Variants in MOBP observed in about 807,000 individuals in gnomAD.
MOBP encodes the protein myelin-associated oligodendrocyte basic protein.
Under a neutral mutation model 15.0 loss-of-function variants are expected in MOBP, and 5 were observed. The observed-to-expected ratio is 0.33, with a 90% confidence interval of 0.17 to 0.70. The LOEUF is 0.70. Ranked by LOEUF, MOBP falls within the 30% of genes least tolerant of loss-of-function variation. MOBP has a pLI of 0.67. For missense variants in MOBP, 188 were observed against 257.8 expected, an observed-to-expected ratio of 0.73 and a Z score of 1.85; for synonymous variants, 88 against 99.0, an observed-to-expected ratio of 0.89 and a Z score of 0.66.
intron 2 of MOBP, among the ~76,000 whole-genome samples, chr3:39,497,626 T>G (rs1485087399): frequency 2.6e-5 from 4 of 152,276 alleles, no homozygotes; most frequent in Admixed American, 6.5e-5. Flanking sequence ...ATTTTCCATC[T>G]TTAGTTTGTT....
chr3:39,478,949 C>T (rs1403093016), intron 1 of MOBP, among the ~76,000 whole-genome samples: 3 of 152,008 alleles, frequency 2.0e-5, no homozygotes, highest in African/African-American at 7.3e-5. Flanking sequence ...CCTGCCTCAG[C>T]CTCCTGAGTA....
rs369185818 is a variant in MOBP at position 39,469,178 on chromosome 3, ATGTG to A, written c.-89+1448_-89+1451del. Reference sequence around the variant, plus strand: ...TATGTGTGTGTGTATACATATATACATGTGTGTGTGTGTATATACATATATACAT... The same window carrying A: ...TATGTGTGTGTGTATACATATATACATGTGTGTGTATATACATATATACAT... On this transcript the variant is annotated intron_variant, in intron 1 of 3. Coordinates refer to ENST00000684792, the MANE Select transcript of MOBP (RefSeq NM_001393704.1). Among the ~76,000 whole-genome samples, 170 of 77,164 alleles carry A rather than the reference ATGTG, an allele frequency of 2.2e-3. 44 individuals carry two copies. The highest frequency in any genetic ancestry group is 0.015 in the African/African-American group (137 of 9,032). 50.6% of individuals were successfully genotyped at this position (77,164 alleles called of 152,430 possible).
At chr3:39,468,936 T>TG (rs747899949) in intron 1 of MOBP, among the ~76,000 whole-genome samples, 25 of 54,014 alleles carry the variant, frequency 4.6e-4, no homozygotes, top group African/African-American at 4.5e-3. Context: ...CATATATACA[T>TG]TGTGTGTATA....
intron 1 of MOBP, among the ~76,000 whole-genome samples, chr3:39,468,022 T>A (rs1019003537): frequency 3.3e-5 from 5 of 151,878 alleles, no homozygotes; most frequent in African/African-American, 1.2e-4. Flanking sequence ...TTCCTCAGAT[T>A]CAAAGCCCCA....
rs554306867 is a variant in MOBP, at chr3:39,502,782, C to T, written c.454C>T (p.Pro152Ser). The T allele has an allele frequency of 1.2e-5, 18 of 1,535,688 alleles. No homozygotes were observed. In the African/African-American group the frequency reaches 2.1e-4, roughly 17 times the overall value. ...EVRPPPAKQR[P>S]PQKSKQQPRS... ...CCGACCACCGCCAGCCAAGCAGCGT[C>T]CCCCTCAGAAGTCCAAGCAACAGCC... Residue 152 changes from proline (P) to serine (S), a missense_variant, in exon 4 of 4, where the codon CCC becomes TCC. Transcript: ENST00000684792. This position sits in a 1 kb window ranked among gnomAD's most constrained non-coding sequence, Gnocchi z 6.3.
At chr3:39,483,682 G>C (rs80322842) in intron 2 of MOBP, among the ~76,000 whole-genome samples, 20,009 of 152,130 alleles carry the variant, frequency 0.13, 1,483 homozygotes, top group Middle Eastern at 0.2. Context: ...TTTTACCTAC[G>C]TATGTGTACA....
chr3:39,471,645 GCTC>G (rs1209428022), intron 1 of MOBP, among the ~76,000 whole-genome samples: 2 of 152,122 alleles, frequency 1.3e-5, no homozygotes, highest in Admixed American at 1.3e-4. Context: ...TTCTTTTCCA[GCTC>G]CTCCTCTGGC....
chr3:39,516,939 A>G (rs1384863717), downstream of MOBP, among the ~76,000 whole-genome samples: 2 of 152,200 alleles, frequency 1.3e-5, no homozygotes, highest in Non-Finnish European at 2.9e-5. Context: ...CTGTCCATCT[A>G]GGCTGCTGTG....
chr3:39,473,473 G>A (rs577297396), intron 1 of MOBP, among the ~76,000 whole-genome samples: 3 of 152,182 alleles, frequency 2.0e-5, no homozygotes, highest in Non-Finnish European at 4.4e-5. Context: ...CAGGAGAGGC[G>A]TGCTTAAGAT....
downstream of MOBP, among the ~76,000 whole-genome samples, chr3:39,504,526 T>TTA (rs2043024895): frequency 4.6e-5 from 1 of 21,962 alleles, no homozygotes; most frequent in African/African-American, 6.6e-5. Flanking sequence ...TCAGTGGGTA[T>TTA]CAGAAGGTGC....
In MOBP at chr3:39,502,874, C is replaced by A; in HGVS notation, c.546C>A (p.Phe182Leu). The change falls in exon 4 of 4, where the codon TTC (phenylalanine) becomes TTA (leucine). Residue 182 changes from phenylalanine (F) to leucine (L), a missense_variant. This residue lies in a region of MOBP where 55 missense variants were observed against 45.2 expected (regional missense o/e 1.22). Coordinates refer to ENST00000684792, the MANE Select transcript of MOBP (RefSeq NM_001393704.1). The surrounding 1 kb of genome is among the most constrained non-coding windows in gnomAD (Gnocchi z 6.3). The stretch of plus-strand genomic sequence containing the variant: ...GGTCCCCCGTCAAAGCTTCTAGGTT[C>A]TGGTAACACCATCTCTTCCCTTTTG... ...RGGSPVKASR[F>L]W 2 of 1,253,376 alleles carry A rather than the reference C, an allele frequency of 1.6e-6. No homozygotes were observed. Among genetic ancestry groups the A allele is most frequent in the Non-Finnish European group, 2.2e-6 (2 of 914,536 alleles). 77.6% of individuals were successfully genotyped at this position (1,253,376 alleles called of 1,614,324 possible).
chr3:39,507,873 C>G (rs998579164), downstream of MOBP, among the ~76,000 whole-genome samples: 10 of 152,224 alleles, frequency 6.6e-5, no homozygotes, highest in African/African-American at 1.9e-4. Context: ...TTATCTCCAT[C>G]TATCAGACTC....
At chr3:39,500,856 T>C (rs1221813052) in intron 2 of MOBP, among the ~76,000 whole-genome samples, 1 of 152,108 alleles carries the variant, frequency 6.6e-6, no homozygotes, top group Admixed American at 6.5e-5. Flanking sequence ...TTTAATAAGA[T>C]CTAAGATACT....
chr3:39,504,407 CTT>C (rs1487044314), downstream of MOBP, among the ~76,000 whole-genome samples: 1 of 152,258 alleles, frequency 6.6e-6, no homozygotes, highest in Non-Finnish European at 1.5e-5. Flanking sequence ...TGAAAGCAAA[CTT>C]CACCATACCC....
At chr3:39,506,460 A>G (rs1366055184), downstream of MOBP, among the ~76,000 whole-genome samples, 1 of 150,816 alleles carries the variant, frequency 6.6e-6, no homozygotes, top group Middle Eastern at 3.2e-3. Context: ...AAGGAAGGGA[A>G]AGAGCCAATT....
At chr3:39,487,261 T>G (rs2042724699) in intron 2 of MOBP, among the ~76,000 whole-genome samples, 1 of 152,124 alleles carries the variant, frequency 6.6e-6, no homozygotes, top group Admixed American at 6.5e-5. Context: ...TTAATTTTGA[T>G]GTAATCACTT....
intron 2 of MOBP, chr3:39,499,410 T>C (rs1575308655): frequency 6.6e-6 from 1 of 152,524 alleles, no homozygotes; most frequent in Non-Finnish European, 1.5e-5. Flanking sequence ...ATTTCTCTCC[T>C]AGGAGACTGC....
intron 4 of MOBP, among the ~76,000 whole-genome samples, chr3:39,508,380 T>C (rs1444019646): frequency 6.6e-6 from 1 of 152,186 alleles, no homozygotes; most frequent in Non-Finnish European, 1.5e-5. Flanking sequence ...CAAAATTTCC[T>C]TATATTTCAC....
chr3:39,510,972 A>G (rs2043112294), intron 4 of MOBP, among the ~76,000 whole-genome samples: 1 of 152,182 alleles, frequency 6.6e-6, no homozygotes, highest in South Asian at 2.1e-4. Context: ...TGCTTTCTTT[A>G]TATCCTTATT....
Sources: gnomAD v4.1 joint callset for allele counts (sites outside exome capture counted in the v4.1 genomes callset) on GRCh38, gnomAD v4.1.1 for gene constraint, gnomAD v4.1.1 regional missense constraint, Gnocchi (gnomAD v3.1) non-coding constraint, MANE v1.5 for transcripts, NCBI Gene and HGNC (gene_info 2026-07-23, HGNC 2026-07-21) for gene names.